Variants in CREB5 observed in about 807,000 individuals in gnomAD.
CREB5 encodes the protein cyclic AMP-responsive element-binding protein 5.
Under a neutral mutation model 57.1 loss-of-function variants are expected in CREB5, and 19 were observed. The observed-to-expected ratio is 0.33, with a 90% CI of 0.23 to 0.49. The LOEUF is 0.49. CREB5 is among the 20% of genes least tolerant of loss of function. The pLI is 0.99. For synonymous variants in CREB5, 238 were observed against 238.3 expected (o/e 1.00, Z 0.01); for missense variants, 579 against 671.6 (o/e 0.86, Z 1.52).
At position 28,674,405 on chromosome 7, in the gene CREB5, CT is replaced by C. The variant is rs1265778170; in HGVS notation, c.465-44347del. Among the ~76,000 whole-genome samples, 62 of 152,312 alleles carry C rather than the reference CT, an allele frequency of 4.1e-4. 1 individual carries two copies. The highest frequency in any genetic ancestry group is 1.5e-3 in the African/African-American group (61 of 41,560). ...GTTGTACTGACATTGGCTTCCAGGA[CT>C]CTTTCCTGTCCACTTCCTGGTTTTC... On this transcript the variant is annotated intron_variant, in intron 5 of 10. Transcript: ENST00000357727.
chr7:28,550,665 G>A (rs1189840819), intron 4 of CREB5, among the ~76,000 whole-genome samples: 1 of 152,164 alleles, frequency 6.6e-6, no homozygotes, highest in African/African-American at 2.4e-5. Context: ...CCAGTCAGGT[G>A]GATATTGCCT....
chr7:28,701,437 G>C (rs920091969), intron 5 of CREB5, among the ~76,000 whole-genome samples: 2 of 152,190 alleles, frequency 1.3e-5, no homozygotes, highest in African/African-American at 4.8e-5. Context: ...AGTACAAACT[G>C]TGACTTGCTT....
intron 4 of CREB5, among the ~76,000 whole-genome samples, chr7:28,552,877 A>C (rs1794726740): frequency 6.6e-6 from 1 of 152,190 alleles, no homozygotes; most frequent in Non-Finnish European, 1.5e-5. Flanking sequence ...ACATTAGATT[A>C]CTAAAACTGC....
intron 5 of CREB5, among the ~76,000 whole-genome samples, chr7:28,696,633 A>G (rs1466423378): frequency 6.6e-6 from 1 of 152,172 alleles, no homozygotes; most frequent in Non-Finnish European, 1.5e-5. Flanking sequence ...GATATGAGCA[A>G]TAGTGGGAAA....
At chr7:28,625,545 C>G (rs1797968468) in intron 5 of CREB5, among the ~76,000 whole-genome samples, 1 of 152,172 alleles carries the variant, frequency 6.6e-6, no homozygotes, top group East Asian at 1.9e-4. Flanking sequence ...AAAGCACAGT[C>G]CGCCAAAACC....
intron 4 of CREB5, among the ~76,000 whole-genome samples, chr7:28,532,425 A>G (rs1355982491): frequency 6.6e-6 from 1 of 152,204 alleles, no homozygotes. Flanking sequence ...TTTGTTATGC[A>G]GCAGCTGCAT....
chr7:28,815,165 C>G (rs542257402), intron 9 of CREB5, among the ~76,000 whole-genome samples: 1 of 152,262 alleles, frequency 6.6e-6, no homozygotes, highest in African/African-American at 2.4e-5. Context: ...CCCTGCTACT[C>G]AGAAGGCTGA....
chr7:28,569,006 C>T (rs1795594006), intron 4 of CREB5, among the ~76,000 whole-genome samples: 1 of 151,966 alleles, frequency 6.6e-6, no homozygotes, highest in Admixed American at 6.6e-5. Flanking sequence ...CCATTTTTTT[C>T]CCTCCCATCT....
chr7:28,701,860 T>C (rs1475349796), intron 5 of CREB5, among the ~76,000 whole-genome samples: 1 of 152,212 alleles, frequency 6.6e-6, no homozygotes, highest in Non-Finnish European at 1.5e-5. Flanking sequence ...ATGTTTCAAA[T>C]AATAAAAAGA....
At chr7:28,715,077 G>T (rs1342587258) in intron 5 of CREB5, among the ~76,000 whole-genome samples, 1 of 152,206 alleles carries the variant, frequency 6.6e-6, no homozygotes, top group Non-Finnish European at 1.5e-5. Context: ...GAAGAAAATG[G>T]AATTTCATGT....
chr7:28,458,317 T>A (rs771434309), intron 1 of CREB5, among the ~76,000 whole-genome samples: 13 of 152,174 alleles, frequency 8.5e-5, no homozygotes, highest in Non-Finnish European at 1.9e-4. Context: ...TGGTTGTGAT[T>A]CCAAATGTGG....
chr7:28,432,282 A>G (rs1036118295), intron 1 of CREB5, among the ~76,000 whole-genome samples: 2 of 152,200 alleles, frequency 1.3e-5, no homozygotes, highest in Non-Finnish European at 2.9e-5. Context: ...GACAGAACTT[A>G]CAAGAAATTC....
chr7:28,757,510 A>G, intron 7 of CREB5, among the ~76,000 whole-genome samples: 1 of 152,016 alleles, frequency 6.6e-6, no homozygotes, highest in Non-Finnish European at 1.5e-5. Flanking sequence ...GTCTCTACTA[A>G]AAATACAAAA....
intron 4 of CREB5, among the ~76,000 whole-genome samples, chr7:28,523,452 A>G (rs970817337): frequency 2.6e-5 from 4 of 152,138 alleles, no homozygotes; most frequent in Admixed American, 1.3e-4. Context: ...ATTCTATTAG[A>G]GGAACTGCTA....
intron 7 of CREB5, among the ~76,000 whole-genome samples, chr7:28,725,109 A>G (rs1425154779): frequency 6.6e-6 from 1 of 152,206 alleles, no homozygotes; most frequent in Non-Finnish European, 1.5e-5. Context: ...TGCAAAATAC[A>G]CTGCAGCAAA....
intron 7 of CREB5, among the ~76,000 whole-genome samples, chr7:28,731,530 A>G (rs1334829139): frequency 6.6e-6 from 1 of 152,286 alleles, no homozygotes; most frequent in South Asian, 2.1e-4. Flanking sequence ...TTCTTTTGAG[A>G]AAAAAAGGCC....
chr7:28,549,961 A>T (rs1031088021), intron 4 of CREB5, among the ~76,000 whole-genome samples: 1 of 152,170 alleles, frequency 6.6e-6, no homozygotes, highest in African/African-American at 2.4e-5. Flanking sequence ...TAGCCTCTTC[A>T]GTGGATTTTA....
chr7:28,331,177 C>T (rs1785709332), intron 1 of CREB5, among the ~76,000 whole-genome samples: 2 of 152,002 alleles, frequency 1.3e-5, no homozygotes, highest in Non-Finnish European at 2.9e-5. Flanking sequence ...TTCAGTATTC[C>T]TCAACCATTT....
At chr7:28,697,634 C>T (rs1488404778) in intron 5 of CREB5, among the ~76,000 whole-genome samples, 1 of 152,088 alleles carries the variant, frequency 6.6e-6, no homozygotes, top group Non-Finnish European at 1.5e-5. Flanking sequence ...TAACAAAATG[C>T]AATCTGATTT....
Sources: gnomAD v4.1 joint callset for allele counts (sites outside exome capture counted in the v4.1 genomes callset) on GRCh38, gnomAD v4.1.1 for gene constraint, MANE v1.5 for transcripts, NCBI Gene and HGNC (gene_info 2026-07-23, HGNC 2026-07-21) for gene names.